Variants in TENM1 observed in about 807,000 individuals in gnomAD.
TENM1 encodes teneurin-1.
TENM1 carries 35 observed loss-of-function variants against 174.8 expected under a neutral mutation model. The observed-to-expected ratio is 0.20, with a 90% CI of 0.15 to 0.27. TENM1 has a LOEUF of 0.27. Among genes scored for constraint, TENM1 ranks in the 10% least tolerant of loss-of-function variants. The pLI, the probability that TENM1 is intolerant of heterozygous loss-of-function variation, is 1.00. For synonymous variants in TENM1, 781 were observed against 798.7 expected (o/e 0.98, Z 0.37); for missense variants, 1,633 against 2,130.1 (o/e 0.77, Z 4.59).
At position 124,385,912 on chromosome X, in the gene TENM1, C is replaced by T. The variant is rs769274580; in HGVS notation, c.5841G>A (p.Pro1947=). 7.2e-5 allele frequency: 87 copies of T among 1,208,313 alleles called. No homozygotes were observed. In the South Asian group the frequency reaches 1.4e-3, roughly 19 times the overall value. ...CTTGGATAAAAGAAGTGCTACTGTC[C>T]GGTGGGGTGTAGATGTTCCGGTAGT... The change falls in exon 29 of 32, where the codon CCG becomes CCA. Residue 1947 remains proline (P), a synonymous_variant. Transcript: ENST00000422452.
chrX:124,405,244 C>T (rs769974540), exon 27 of TENM1: 71 of 1,207,793 alleles, frequency 5.9e-5, no homozygotes, highest in Non-Finnish European at 7.7e-5. Context: ...CTGGATTCAC[C>T]CGATAGGTAC....
At chrX:124,421,431 C>T (rs1326935888) in intron 24 of TENM1, among the ~76,000 whole-genome samples, 1 of 111,917 alleles carries the variant, frequency 8.9e-6, no homozygotes, top group East Asian at 2.8e-4. Context: ...ATTGCTCACT[C>T]CTGACTCCTC....
At chrX:124,911,740 A>G (rs1223074944) in intron 1 of TENM1, among the ~76,000 whole-genome samples, 1 of 111,790 alleles carries the variant, frequency 8.9e-6, no homozygotes, top group Non-Finnish European at 1.9e-5. Flanking sequence ...AAAGGGCCTT[A>G]TATACCATAC....
At chrX:124,552,742 C>T (rs1261631829) in intron 14 of TENM1, among the ~76,000 whole-genome samples, 1 of 111,645 alleles carries the variant, frequency 9.0e-6, no homozygotes, top group African/African-American at 3.3e-5. Flanking sequence ...CTCCTTCCCA[C>T]TCCTCTGGCT....
intron 11 of TENM1, among the ~76,000 whole-genome samples, chrX:124,635,843 G>A (rs1291927234): frequency 8.9e-6 from 1 of 112,316 alleles, no homozygotes; most frequent in African/African-American, 3.2e-5. Context: ...TATGTTTTAA[G>A]GGAGCATGAT....
chrX:124,667,322 G>A (rs940510623), intron 6 of TENM1, among the ~76,000 whole-genome samples: 3 of 111,279 alleles, frequency 2.7e-5, no homozygotes, highest in Non-Finnish European at 5.7e-5. Flanking sequence ...AGGCACAGTG[G>A]CTCACGTCTG....
chrX:124,923,759 T>A (rs144989044), intron 1 of TENM1, among the ~76,000 whole-genome samples: 1 of 111,549 alleles, frequency 9.0e-6, no homozygotes, highest in South Asian at 3.7e-4. Context: ...CAAATAGACA[T>A]GAAATCGCTG....
chrX:124,876,902 G>A (rs1401585087), intron 3 of TENM1, among the ~76,000 whole-genome samples: 2 of 111,217 alleles, frequency 1.8e-5, no homozygotes, highest in Admixed American at 1.9e-4. Flanking sequence ...TAGTTATTTC[G>A]ACATACTCAC....
At chrX:125,138,969 C>G in the TENM1 span, among the ~76,000 whole-genome samples, 1 of 110,714 alleles carries the variant, frequency 9.0e-6, no homozygotes. Flanking sequence ...GGTTCACTTT[C>G]CAAAGTGAAA....
chrX:124,471,476 A>ATATATAGCATTATATAT (rs1364521843), intron 22 of TENM1, among the ~76,000 whole-genome samples: 1 of 65,833 alleles, frequency 1.5e-5, no homozygotes, highest in Non-Finnish European at 2.5e-5. Context: ...ATAATATATA[A>ATATATAGCATTATATAT]TATATAATAT....
chrX:125,015,237 A>T, the TENM1 span, among the ~76,000 whole-genome samples: 3 of 111,406 alleles, frequency 2.7e-5, no homozygotes, highest in East Asian at 8.5e-4. Flanking sequence ...TGACCTATTT[A>T]TACTAAAAAA....
chrX:124,973,094 A>G, the TENM1 span, among the ~76,000 whole-genome samples: 1 of 112,143 alleles, frequency 8.9e-6, no homozygotes, highest in Non-Finnish European at 1.9e-5. Flanking sequence ...GGTGTAAGGA[A>G]GGGGTCCAGT....
At chrX:124,390,105 T>C (rs1009370055) in intron 28 of TENM1, among the ~76,000 whole-genome samples, 1 of 112,331 alleles carries the variant, frequency 8.9e-6, no homozygotes, top group Non-Finnish European at 1.9e-5. Context: ...GAGGTTTTTG[T>C]TTGTTTGCTT....
At chrX:124,405,641 T>C (rs2060454290) in intron 26 of TENM1, among the ~76,000 whole-genome samples, 1 of 110,934 alleles carries the variant, frequency 9.0e-6, no homozygotes, top group Non-Finnish European at 1.9e-5. Context: ...CGTAGCACCT[T>C]ACCACCTGGG....
At chrX:125,069,116 T>C in the TENM1 span, among the ~76,000 whole-genome samples, 1 of 111,491 alleles carries the variant, frequency 9.0e-6, no homozygotes, top group Non-Finnish European at 1.9e-5. Context: ...ATAATGAACA[T>C]TGTACCCAAC....
At chrX:124,545,195 T>A (rs761608862) in intron 15 of TENM1, among the ~76,000 whole-genome samples, 1 of 111,331 alleles carries the variant, frequency 9.0e-6, no homozygotes, top group Non-Finnish European at 1.9e-5. Context: ...TAAATGTGAC[T>A]TGCAGAGCCA....
chrX:125,155,753 G>C, the TENM1 span, among the ~76,000 whole-genome samples: 1 of 112,692 alleles, frequency 8.9e-6, no homozygotes, highest in Non-Finnish European at 1.9e-5. Flanking sequence ...CGGCCACTCC[G>C]AGTGTGGGGC....
intron 3 of TENM1, among the ~76,000 whole-genome samples, chrX:124,887,868 C>T (rs942111542): frequency 1.8e-5 from 2 of 111,394 alleles, no homozygotes; most frequent in African/African-American, 6.5e-5. Context: ...TTGTTTCATA[C>T]ACTTCCTTTA....
At chrX:125,184,512 C>T in the TENM1 span, among the ~76,000 whole-genome samples, 2 of 111,524 alleles carry the variant, frequency 1.8e-5, no homozygotes, top group Non-Finnish European at 3.8e-5. Flanking sequence ...AATAGAACTA[C>T]ATGTATAGTC....
Sources: gnomAD v4.1 joint callset for allele counts (sites outside exome capture counted in the v4.1 genomes callset) on GRCh38, gnomAD v4.1.1 for gene constraint, MANE v1.5 for transcripts, NCBI Gene and HGNC (gene_info 2026-07-23, HGNC 2026-07-21) for gene names.